Variants in DPYD observed in about 807,000 individuals in gnomAD.
DPYD encodes the protein dihydropyrimidine dehydrogenase [NADP(+)].
In DPYD, 109 loss-of-function variants were observed where a neutral mutation model predicts 116.2. That is an observed-to-expected ratio of 0.94 (90% CI 0.80 to 1.10). The LOEUF (loss-of-function observed/expected upper bound fraction) is 1.10. DPYD is among the 50% of genes least tolerant of loss of function. The probability of loss-of-function intolerance (pLI) is 0.00; values close to 1 mark genes in which losing one functional copy is unlikely to be tolerated. For synonymous variants in DPYD, 440 were observed against 432.0 expected (o/e 1.02, Z -0.23); for missense variants, 1,302 against 1,254.5 (o/e 1.04, Z -0.57).
At chr1:97,302,917 T>G (rs1254655532) in intron 18 of DPYD, among the ~76,000 whole-genome samples, 1 of 151,994 alleles carries the variant, frequency 6.6e-6, no homozygotes, top group Non-Finnish European at 1.5e-5. Context: ...AAATCCAGGC[T>G]ACTTATATCG....
chr1:97,612,972 T>G (rs1012185802), intron 8 of DPYD, among the ~76,000 whole-genome samples: 1 of 152,082 alleles, frequency 6.6e-6, no homozygotes, highest in African/African-American at 2.4e-5. Context: ...TATAGAGTTT[T>G]GAATAATCTA....
At chr1:97,573,678 A>C in intron 11 of DPYD, 82 bp downstream of exon 11, 1 of 1,559,706 alleles carries the variant, frequency 6.4e-7, no homozygotes, top group Non-Finnish European at 8.8e-7. Flanking sequence ...AAAGTGAAAA[A>C]CAATTCCCTG....
At chr1:97,582,557 G>A (rs1557815340) in intron 10 of DPYD, among the ~76,000 whole-genome samples, 1 of 152,092 alleles carries the variant, frequency 6.6e-6, no homozygotes, top group Non-Finnish European at 1.5e-5. Flanking sequence ...TTTGAGTGGT[G>A]AAATGCAGAA....
intron 8 of DPYD, among the ~76,000 whole-genome samples, chr1:97,607,801 G>C (rs1005843544): frequency 6.6e-6 from 1 of 151,840 alleles, no homozygotes; most frequent in Non-Finnish European, 1.5e-5. Flanking sequence ...ATTATACAGC[G>C]CATAACACTA....
At chr1:97,915,389 T>C (rs574160168) in intron 1 of DPYD, among the ~76,000 whole-genome samples, 152 of 152,248 alleles carry the variant, frequency 1.0e-3, no homozygotes, top group African/African-American at 3.6e-3. Flanking sequence ...AAAAGTTATA[T>C]GTTGAGTTTG....
At position 97,562,108 on chromosome 1, in the gene DPYD, T is replaced by C. The variant is rs755980457; in HGVS notation, c.1339+11652A>G. ...TTGTATAATTAATACAAAACACATA[T>C]AATAAATACAGAATGAAAGAATGGG... is the stretch of plus-strand genomic sequence containing the variant. On this transcript the variant is annotated intron_variant, in intron 11 of 22. Coordinates refer to ENST00000370192, the MANE Select transcript of DPYD (RefSeq NM_000110.4). Among the ~76,000 whole-genome samples, 37 of 152,162 alleles carry C rather than the reference T, an allele frequency of 2.4e-4. 1 individual carries two copies. Among genetic ancestry groups the C allele is most frequent in the Non-Finnish European group, 2.9e-5 (2 of 68,024 alleles).
intron 16 of DPYD, among the ~76,000 whole-genome samples, chr1:97,329,732 G>C (rs990137211): frequency 2.1e-5 from 3 of 145,264 alleles, no homozygotes; most frequent in Admixed American, 7.1e-5. Flanking sequence ...CAGCCTGGGC[G>C]ACAGAGTGAA....
At chr1:97,458,003 G>A (rs1162536644) in intron 13 of DPYD, among the ~76,000 whole-genome samples, 1 of 152,174 alleles carries the variant, frequency 6.6e-6, no homozygotes. Flanking sequence ...GTTCAGATAA[G>A]AGGTTTTGGA....
At chr1:97,424,539 A>T (rs754676936) in intron 14 of DPYD, among the ~76,000 whole-genome samples, 4 of 152,072 alleles carry the variant, frequency 2.6e-5, no homozygotes, top group Non-Finnish European at 5.9e-5. Flanking sequence ...GTAAGGAGAA[A>T]ATGAACACTG....
At chr1:97,411,865 T>A (rs984130136) in intron 14 of DPYD, among the ~76,000 whole-genome samples, 4 of 152,206 alleles carry the variant, frequency 2.6e-5, no homozygotes, top group Admixed American at 1.3e-4. Context: ...GTTTCTTATT[T>A]GCATACTATA....
intron 8 of DPYD, among the ~76,000 whole-genome samples, chr1:97,678,028 C>T (rs1291073934): frequency 6.6e-6 from 1 of 152,106 alleles, no homozygotes; most frequent in Non-Finnish European, 1.5e-5. Context: ...CAATTTAACA[C>T]AGTGGTCCCC....
intron 16 of DPYD, among the ~76,000 whole-genome samples, chr1:97,323,456 C>T (rs1394147377): frequency 4.9e-5 from 5 of 102,444 alleles, no homozygotes; most frequent in African/African-American, 1.5e-4. Flanking sequence ...ATATACATAT[C>T]ATATATACAT....
chr1:97,641,586 G>A (rs1441030230), intron 8 of DPYD, among the ~76,000 whole-genome samples: 1 of 152,088 alleles, frequency 6.6e-6, no homozygotes, highest in Non-Finnish European at 1.5e-5. Flanking sequence ...CCTAGGTATT[G>A]ATGGAACGTA....
chr1:97,523,013 A>C (rs1015347059), intron 12 of DPYD, among the ~76,000 whole-genome samples: 4 of 152,188 alleles, frequency 2.6e-5, no homozygotes, highest in African/African-American at 9.6e-5. Flanking sequence ...GTTAAAAATG[A>C]GAACTCGAAT....
intron 2 of DPYD, among the ~76,000 whole-genome samples, chr1:97,877,130 C>T (rs191743119): frequency 6.6e-6 from 1 of 152,068 alleles, no homozygotes; most frequent in Admixed American, 6.6e-5. Context: ...TTCTCTGAAC[C>T]CCAGTGTTGA....
intron 16 of DPYD, among the ~76,000 whole-genome samples, chr1:97,314,474 T>C (rs1667695173): frequency 6.7e-6 from 1 of 150,268 alleles, no homozygotes; most frequent in Non-Finnish European, 1.5e-5. Flanking sequence ...CCATTCCACT[T>C]AGTCGCTAAA....
rs748934549 is a variant in DPYD at position 97,515,711 on chromosome 1, A to G, written c.1740+15T>C. On this transcript the variant is annotated intron_variant, in intron 13 of 22. Coordinates refer to ENST00000370192, the MANE Select transcript of DPYD (RefSeq NM_000110.4). ...TGATAGACATTTCTATATGACTTCA[A>G]TAATATTTTCTTACCTTATCAAGAG... is the stretch of plus-strand genomic sequence containing the variant. The G allele has an allele frequency of 5.6e-6, 9 of 1,607,632 alleles. No individual in the cohort carries two copies. The highest frequency in any genetic ancestry group is 1.7e-5 in the Admixed American group (1 of 59,718).
At chr1:97,145,193 G>GT (rs1296673184) in intron 20 of DPYD, among the ~76,000 whole-genome samples, 1 of 152,064 alleles carries the variant, frequency 6.6e-6, no homozygotes, top group Non-Finnish European at 1.5e-5. Flanking sequence ...TAATCTAATG[G>GT]TTGATTTTTT....
chr1:97,836,222 T>C (rs971924484), intron 2 of DPYD, among the ~76,000 whole-genome samples: 68 of 152,138 alleles, frequency 4.5e-4, no homozygotes, highest in Non-Finnish European at 6.2e-4. Flanking sequence ...ATCAGTGGTG[T>C]TCCTCTGTCT....
Sources: gnomAD v4.1 joint callset for allele counts (sites outside exome capture counted in the v4.1 genomes callset) on GRCh38, gnomAD v4.1.1 for gene constraint, MANE v1.5 for transcripts, NCBI Gene and HGNC (gene_info 2026-07-23, HGNC 2026-07-21) for gene names.